RAB28: variants seen among roughly 807,000 people sequenced by gnomAD.
The protein encoded by RAB28 is RAB28, member RAS oncogene family.
Under a neutral mutation model 31.7 loss-of-function variants are expected in RAB28, and 24 were observed. The ratio of observed to expected loss-of-function variants is 0.76; its 90% CI spans 0.55 to 1.06. The LOEUF is 1.06. Ranked by LOEUF, RAB28 falls within the 50% of genes least tolerant of loss-of-function variation. The pLI, the probability that RAB28 is intolerant of heterozygous loss-of-function variation, is 0.00. For synonymous variants in RAB28, 100 were observed against 90.4 expected, an observed-to-expected ratio of 1.11 and a Z score of -0.60; for missense variants, 254 against 258.5, an observed-to-expected ratio of 0.98 and a Z score of 0.12.
At chr4:13,373,671 C>T (rs1463089894) in intron 6 of RAB28, among the ~76,000 whole-genome samples, 8 of 152,014 alleles carry the variant, frequency 5.3e-5, no homozygotes, top group Admixed American at 3.9e-4. Flanking sequence ...TATATAACTC[C>T]CAAATAGGAG....
chr4:13,368,091 T>C lies in RAB28; in HGVS notation c.*467A>G, dbSNP rs1427468054. 3.1e-6 allele frequency: 3 copies of C among 980,296 alleles called. No homozygotes were observed. The highest frequency in any genetic ancestry group is 3.6e-6 in the Non-Finnish European group (3 of 825,422). The allele number at this position is 980,296 out of a possible 1,614,324, so 60.7% of individuals were successfully genotyped here. A position where few individuals can be genotyped will look rare whatever the true frequency, so the allele number is the denominator to read the frequency against. On this transcript the variant is annotated 3_prime_UTR_variant, in exon 7 of 7. Transcript: ENST00000330852. ...TTTTACTCACGATAGCGAAAGAATG[T>C]CTTCATAAGTATCTGTAGGTAAAAT...
intron 3 of RAB28, among the ~76,000 whole-genome samples, chr4:13,465,114 G>GA (rs1261060374): frequency 3.3e-5 from 5 of 151,678 alleles, no homozygotes; most frequent in Non-Finnish European, 7.4e-5. Context: ...AATGCAAAAA[G>GA]AAAAAAACAA....
intron 4 of RAB28, among the ~76,000 whole-genome samples, chr4:13,450,537 T>A (rs1166472023): frequency 2.6e-5 from 4 of 151,918 alleles, no homozygotes; most frequent in Admixed American, 1.3e-4. Flanking sequence ...ACAGTCTGCA[T>A]GAAAAGGCTT....
chr4:13,369,823 G>T, intron 6 of RAB28: 1 of 1,526,378 alleles, frequency 6.6e-7, no homozygotes, highest in Non-Finnish European at 8.9e-7. Flanking sequence ...GCATTCAATG[G>T]TTCTCCCTTC....
intron 4 of RAB28, among the ~76,000 whole-genome samples, chr4:13,390,533 C>T (rs568921976): frequency 6.6e-6 from 1 of 151,752 alleles, no homozygotes; most frequent in East Asian, 1.9e-4. Context: ...ATCAAGCTAC[C>T]ATTGACTTTC....
chr4:13,391,488 A>G (rs1729627065), intron 4 of RAB28, among the ~76,000 whole-genome samples: 1 of 152,220 alleles, frequency 6.6e-6, no homozygotes, highest in Non-Finnish European at 1.5e-5. Flanking sequence ...ATTGTGGAAG[A>G]CAGTATGGCG....
chr4:13,423,478 C>T (rs896285180), intron 4 of RAB28, among the ~76,000 whole-genome samples: 27 of 150,862 alleles, frequency 1.8e-4, no homozygotes, highest in Admixed American at 1.5e-3. Flanking sequence ...AGTGAAACTC[C>T]GTCTCGGGGG....
intron 4 of RAB28, among the ~76,000 whole-genome samples, chr4:13,433,325 A>G (rs1713918985): frequency 6.6e-6 from 1 of 152,150 alleles, no homozygotes; most frequent in Non-Finnish European, 1.5e-5. Context: ...TAATTAAACT[A>G]ACAAGCTTTT....
intron 4 of RAB28, 96 bp downstream of exon 4, chr4:13,460,602 CT>C: frequency 6.8e-7 from 1 of 1,480,070 alleles, no homozygotes; most frequent in East Asian, 2.3e-5. Flanking sequence ...GGGATTAGGT[CT>C]TTGACATATA....
chr4:13,481,116 A>G (rs979553358), intron 1 of RAB28, among the ~76,000 whole-genome samples: 1 of 152,038 alleles, frequency 6.6e-6, no homozygotes, highest in African/African-American at 2.4e-5. Context: ...TCAGAGTTCA[A>G]TATTTTCATG....
intron 4 of RAB28, among the ~76,000 whole-genome samples, chr4:13,394,909 C>A (rs1046207756): frequency 7.9e-5 from 12 of 152,046 alleles, no homozygotes; most frequent in African/African-American, 2.9e-4. Flanking sequence ...TTTACAAAAC[C>A]CTTTGGGGCC....
At chr4:13,472,084 C>T (rs911390944) in intron 3 of RAB28, among the ~76,000 whole-genome samples, 3 of 152,014 alleles carry the variant, frequency 2.0e-5, no homozygotes, top group African/African-American at 7.2e-5. Context: ...CAAAAACTGA[C>T]TTAAGGAAAT....
At chr4:13,452,890 C>T (rs1272315455) in intron 4 of RAB28, among the ~76,000 whole-genome samples, 1 of 152,040 alleles carries the variant, frequency 6.6e-6, no homozygotes, top group Non-Finnish European at 1.5e-5. Context: ...ACAACTATTA[C>T]TGTATTAGAG....
intron 4 of RAB28, among the ~76,000 whole-genome samples, chr4:13,426,675 A>G (rs1407932217): frequency 6.6e-6 from 1 of 152,210 alleles, no homozygotes; most frequent in East Asian, 1.9e-4. Context: ...AGTATTTAGC[A>G]TGATTCCTAG....
chr4:13,422,177 A>T (rs994833630), intron 4 of RAB28, among the ~76,000 whole-genome samples: 1 of 152,230 alleles, frequency 6.6e-6, no homozygotes, highest in African/African-American at 2.4e-5. Flanking sequence ...GCCATCAGAG[A>T]AATGCAAATC....
intron 4 of RAB28, among the ~76,000 whole-genome samples, chr4:13,452,357 C>G (rs1302123117): frequency 6.6e-6 from 1 of 151,708 alleles, no homozygotes; most frequent in Admixed American, 6.6e-5. Context: ...CCTTGAGATT[C>G]ATTGCAGTTT....
intron 3 of RAB28, 112 bp from the exon 4 acceptor site, chr4:13,460,940 T>TC: frequency 3.0e-6 from 3 of 985,824 alleles, no homozygotes; most frequent in Non-Finnish European, 4.4e-6. Context: ...AATACAAATG[T>TC]GTAGTGTTTT....
intron 2 of RAB28, among the ~76,000 whole-genome samples, chr4:13,478,899 G>A (rs763363444): frequency 6.6e-6 from 1 of 151,526 alleles, no homozygotes; most frequent in Non-Finnish European, 1.5e-5. Flanking sequence ...ATTTTTATGA[G>A]TGCCTAGGGA....
intron 6 of RAB28, among the ~76,000 whole-genome samples, chr4:13,372,802 T>C (rs918783447): frequency 3.3e-5 from 5 of 152,058 alleles, no homozygotes; most frequent in African/African-American, 7.2e-5. Context: ...AAAGGTTAAA[T>C]GGGTACTTGT....
Sources: allele counts gnomAD v4.1 joint callset (sites outside exome capture counted in the v4.1 genomes callset), GRCh38; gene constraint gnomAD v4.1.1; transcripts MANE v1.5; gene names NCBI Gene and HGNC (gene_info 2026-07-23, HGNC 2026-07-21).